Variants in GUCY1B1 observed in about 807,000 individuals in gnomAD.
GUCY1B1 encodes the protein guanylate cyclase soluble subunit beta-1.
A neutral mutation model predicts 71.0 loss-of-function variants in GUCY1B1; 43 were observed. The ratio of observed to expected loss-of-function variants is 0.61; its 90% CI spans 0.47 to 0.78. GUCY1B1 has a LOEUF of 0.78. Ranked by LOEUF, GUCY1B1 falls within the 30% of genes least tolerant of loss-of-function variation. GUCY1B1 has a pLI of 0.00. For synonymous variants in GUCY1B1, 266 were observed against 259.7 expected, an observed-to-expected ratio of 1.02 and a Z score of -0.23; for missense variants, 535 against 754.1, an observed-to-expected ratio of 0.71 and a Z score of 3.40.
intron 8 of GUCY1B1, among the ~76,000 whole-genome samples, chr4:155,798,335 T>C (rs1739707576): frequency 6.6e-6 from 1 of 152,244 alleles, no homozygotes; most frequent in Non-Finnish European, 1.5e-5. Flanking sequence ...GAGACCGTTA[T>C]GATTTAAGTT....
intron 4 of GUCY1B1, among the ~76,000 whole-genome samples, chr4:155,781,352 A>C (rs932550057): frequency 6.6e-6 from 1 of 152,178 alleles, no homozygotes; most frequent in Non-Finnish European, 1.5e-5. Flanking sequence ...GTTTTCTCAC[A>C]TGGAGGTTAT....
chr4:155,797,584 A>G (rs1158498792), intron 8 of GUCY1B1, among the ~76,000 whole-genome samples: 1 of 151,750 alleles, frequency 6.6e-6, no homozygotes, highest in Non-Finnish European at 1.5e-5. Flanking sequence ...CTAAAAATAC[A>G]AAAATTAGCC....
intron 4 of GUCY1B1, among the ~76,000 whole-genome samples, chr4:155,783,703 C>A (rs1449376531): frequency 6.6e-6 from 1 of 152,120 alleles, no homozygotes; most frequent in Admixed American, 6.6e-5. Flanking sequence ...TGATCTAATT[C>A]TTAAATGTTT....
At position 155,805,292 on chromosome 4, in the gene GUCY1B1, C is replaced by T. The variant is rs968902429; in HGVS notation, c.1836+63C>T. On this transcript the variant is annotated intron_variant, in intron 13 of 13. Transcript: ENST00000264424. Reference sequence around the variant, plus strand: ...AGAGTATAAGTATGGAAAACTAAAGCAAAATCACTGAAAATGTATTTCATT... The same window carrying T: ...AGAGTATAAGTATGGAAAACTAAAGTAAAATCACTGAAAATGTATTTCATT... The T allele has an allele frequency of 1.4e-4, 183 of 1,284,928 alleles. 3 individuals carry two copies. The highest frequency in any genetic ancestry group is 1.9e-4 in the Middle Eastern group (1 of 5,234). 79.6% of individuals were successfully genotyped at this position (1,284,928 alleles called of 1,614,324 possible).
chr4:155,789,925 A>G lies in GUCY1B1; in HGVS notation c.495+14A>G, dbSNP rs542295741. ...ATAGACATGAAGGTAACAAACAGCA[A>G]TGGAGACTTCTGAACACAGATGACA... On this transcript the variant is annotated intron_variant, in intron 5 of 13. Transcript: ENST00000264424. The G allele has an allele frequency of 2.1e-5, 32 of 1,545,424 alleles. No homozygotes were observed. The highest frequency in any genetic ancestry group is 2.0e-4 in the African/African-American group (15 of 73,470).
At chr4:155,799,838 A>C (rs1739820872) in intron 8 of GUCY1B1, 39 bp from the exon 9 acceptor site, 4 of 1,225,984 alleles carry the variant, frequency 3.3e-6, no homozygotes, top group Non-Finnish European at 3.5e-6. Context: ...TCATGTATAT[A>C]AGTTGAGACT....
chr4:155,787,627 C>G (rs1738886754), intron 4 of GUCY1B1, among the ~76,000 whole-genome samples: 1 of 152,200 alleles, frequency 6.6e-6, no homozygotes, highest in Admixed American at 6.5e-5. Flanking sequence ...TCATGCAGAT[C>G]TGCATCCAAA....
At chr4:155,793,790 A>G (rs1739344685) in intron 5 of GUCY1B1, 66 bp from the exon 6 acceptor site, 1 of 731,124 alleles carries the variant, frequency 1.4e-6, no homozygotes, top group Admixed American at 2.3e-5. Context: ...CTCATTTTTT[A>G]TATTTAGGTA....
chr4:155,767,770 T>C (rs1187016367), intron 2 of GUCY1B1, among the ~76,000 whole-genome samples: 3 of 152,120 alleles, frequency 2.0e-5, no homozygotes, highest in Non-Finnish European at 4.4e-5. Context: ...AATCATTAGA[T>C]TAGGCCATTG....
In GUCY1B1 at chr4:155,785,220, C is replaced by T. The variant is rs1283740034; in HGVS notation, c.298-4494C>T. On this transcript the variant is annotated intron_variant, in intron 4 of 13. Coordinates refer to ENST00000264424, the MANE Select transcript of GUCY1B1 (RefSeq NM_000857.5). ...AAGATATCAAAATAGATGAATGGAC[C>T]TACTCTCTATATTTTTCCTGTTTTT... 5 of 768,866 alleles carry T rather than the reference C, an allele frequency of 6.5e-6. No individual in the cohort carries two copies. The East Asian group carries it at 1.4e-4, about 21-fold the overall frequency. The allele number at this position is 768,866 out of a possible 1,614,324, so 47.6% of individuals were successfully genotyped here. A position where few individuals can be genotyped will look rare whatever the true frequency, so the allele number is the denominator to read the frequency against.
chr4:155,772,681 A>G, intron 2 of GUCY1B1: 1 of 702,252 alleles, frequency 1.4e-6, no homozygotes, highest in South Asian at 1.5e-5. Flanking sequence ...GGGCTTCCCA[A>G]AGTGCTGGGA....
rs1740041051 is a variant in GUCY1B1 at position 155,802,648 on chromosome 4, C to T, written c.1413+69C>T. The T allele has an allele frequency of 7.3e-6, 10 of 1,369,508 alleles. No individual in the cohort carries two copies. The highest frequency in any genetic ancestry group is 2.5e-5 in the Admixed American group (1 of 40,308). The allele number at this position is 1,369,508 out of a possible 1,614,324, so 84.8% of individuals were successfully genotyped here. A position where few individuals can be genotyped will look rare whatever the true frequency, so the allele number is the denominator to read the frequency against. ...GCGTTCTGAGACTCCCCTCCAGAGG[C>T]CATGTCATCACAGCTCTCTGACTCC... On this transcript the variant is annotated intron_variant, in intron 10 of 13. Coordinates refer to ENST00000264424, the MANE Select transcript of GUCY1B1 (RefSeq NM_000857.5). The surrounding 1 kb of genome is among the most constrained non-coding windows in gnomAD (Gnocchi z 4.3).
chr4:155,794,753 G>A (rs2111135076), intron 6 of GUCY1B1, among the ~76,000 whole-genome samples: 1 of 152,324 alleles, frequency 6.6e-6, no homozygotes, highest in South Asian at 2.1e-4. Context: ...AATGGAAGCA[G>A]AGTAGTGTGC....
chr4:155,802,675 G>A lies in GUCY1B1; in HGVS notation c.1413+96G>A. 1 of 1,056,798 alleles carries A rather than the reference G, an allele frequency of 9.5e-7. No individual in the cohort carries two copies. The highest frequency in any genetic ancestry group is 2.6e-5 in the East Asian group (1 of 38,316). 65.5% of individuals were successfully genotyped at this position (1,056,798 alleles called of 1,614,324 possible). ...ATGTCATCACAGCTCTCTGACTCCAGCACTGCAGCCTTGAGTACAGTGAGC... is the reference window on the plus strand; with the variant it reads ...ATGTCATCACAGCTCTCTGACTCCAACACTGCAGCCTTGAGTACAGTGAGC... On this transcript the variant is annotated intron_variant, in intron 10 of 13. Coordinates refer to ENST00000264424, the MANE Select transcript of GUCY1B1 (RefSeq NM_000857.5). This position sits in a 1 kb window ranked among gnomAD's most constrained non-coding sequence, Gnocchi z 4.3.
intron 5 of GUCY1B1, among the ~76,000 whole-genome samples, chr4:155,792,442 A>G (rs1031452672): frequency 2.6e-5 from 4 of 152,296 alleles, no homozygotes; most frequent in African/African-American, 7.2e-5. Flanking sequence ...AGTTAGGGAA[A>G]TCAACCTTAA....
intron 2 of GUCY1B1, among the ~76,000 whole-genome samples, chr4:155,767,037 G>C (rs1240489804): frequency 6.6e-6 from 1 of 152,110 alleles, no homozygotes; most frequent in Admixed American, 6.6e-5. Flanking sequence ...GAGAATAGAG[G>C]CGTAAAAGAA....
chr4:155,806,616 T>A lies in GUCY1B1; in HGVS notation c.*207T>A. ...TATTACTTTTTAGGCTTTAGTATAT[T>A]ATCTAAAGTTTGGCTTTTGATGTGG... On this transcript the variant is annotated 3_prime_UTR_variant, in exon 14 of 14. Coordinates refer to ENST00000264424, the MANE Select transcript of GUCY1B1 (RefSeq NM_000857.5). 1 of 452,126 alleles carries A rather than the reference T, an allele frequency of 2.2e-6. No individual in the cohort carries two copies. The highest frequency in any genetic ancestry group is 3.9e-6 in the Non-Finnish European group (1 of 253,446). 28.0% of individuals were successfully genotyped at this position (452,126 alleles called of 1,614,324 possible). A position where few individuals can be genotyped will look rare whatever the true frequency, so the allele number is the denominator to read the frequency against.
intron 4 of GUCY1B1, among the ~76,000 whole-genome samples, chr4:155,778,970 C>CT (rs75584237): frequency 0.012 from 1,743 of 144,412 alleles, 8 homozygotes; most frequent in Middle Eastern, 0.022. Context: ...TTATTAATTC[C>CT]TTTTTTTTTT....
chr4:155,800,110 A>G (rs1203527900), intron 9 of GUCY1B1, 36 bp downstream of exon 9: 3 of 1,409,788 alleles, frequency 2.1e-6, no homozygotes, highest in African/African-American at 1.4e-5. Flanking sequence ...ACTGTTATTC[A>G]TAACATAATG....
Sources: gnomAD v4.1 joint callset for allele counts (sites outside exome capture counted in the v4.1 genomes callset) on GRCh38, gnomAD v4.1.1 for gene constraint, Gnocchi (gnomAD v3.1) non-coding constraint, MANE v1.5 for transcripts, NCBI Gene and HGNC (gene_info 2026-07-23, HGNC 2026-07-21) for gene names.